ZNF804B: variants seen among roughly 807,000 people sequenced by gnomAD.
ZNF804B encodes zinc finger protein 804B.
ZNF804B carries 80 observed loss-of-function variants against 101.4 expected under a neutral mutation model. The ratio of observed to expected loss-of-function variants is 0.79; its 90% confidence interval spans 0.66 to 0.95. ZNF804B has a LOEUF of 0.95. ZNF804B is among the 40% of genes least tolerant of loss of function. ZNF804B has a pLI of 0.00. For missense variants in ZNF804B, 1,673 were observed against 1,561.9 expected (o/e 1.07, Z -1.20); for synonymous variants, 622 against 558.8 (o/e 1.11, Z -1.59).
At chr7:89,012,080 TCA>T (rs1491288093) in intron 1 of ZNF804B, among the ~76,000 whole-genome samples, 1 of 152,190 alleles carries the variant, frequency 6.6e-6, no homozygotes, top group African/African-American at 2.4e-5. Flanking sequence ...TTCTGTGTAC[TCA>T]CACTTTCAAT....
chr7:88,966,062 C>A (rs964682429), intron 1 of ZNF804B, among the ~76,000 whole-genome samples: 2 of 151,316 alleles, frequency 1.3e-5, no homozygotes, highest in African/African-American at 2.4e-5. Context: ...TAAGTCAGTT[C>A]CAGAGAAAAG....
chr7:89,058,567 G>A (rs746769953), intron 1 of ZNF804B, among the ~76,000 whole-genome samples: 3 of 151,982 alleles, frequency 2.0e-5, no homozygotes, highest in Non-Finnish European at 2.9e-5. Context: ...CTTTTACCAG[G>A]CTTACCCTGT....
intron 2 of ZNF804B, among the ~76,000 whole-genome samples, chr7:89,295,175 G>C (rs534268931): frequency 2.0e-5 from 3 of 151,988 alleles, no homozygotes; most frequent in Admixed American, 6.6e-5. Context: ...TTTTTATTTT[G>C]ACAGTGAGGG....
chr7:88,855,554 T>A (rs937969286), intron 1 of ZNF804B, among the ~76,000 whole-genome samples: 6 of 152,168 alleles, frequency 3.9e-5, no homozygotes, highest in African/African-American at 1.4e-4. Flanking sequence ...TTCTGTAGGT[T>A]GCCTGTTCAC....
chr7:89,100,319 G>A (rs368533923), intron 1 of ZNF804B, among the ~76,000 whole-genome samples: 10 of 152,200 alleles, frequency 6.6e-5, no homozygotes, highest in South Asian at 2.1e-4. Context: ...AAATCAAAAT[G>A]TATTGAAGAC....
intron 1 of ZNF804B, among the ~76,000 whole-genome samples, chr7:89,114,002 T>A (rs1237765638): frequency 6.6e-6 from 1 of 152,016 alleles, no homozygotes; most frequent in Non-Finnish European, 1.5e-5. Flanking sequence ...AGAATTAAGC[T>A]TAAACTGGAC....
chr7:88,979,528 A>T (rs1031683861), intron 1 of ZNF804B, among the ~76,000 whole-genome samples: 1 of 151,810 alleles, frequency 6.6e-6, no homozygotes, highest in African/African-American at 2.4e-5. Context: ...AGACTTCCAC[A>T]GAAAAGCCTG....
At chr7:89,012,513 A>G (rs6978297) in intron 1 of ZNF804B, among the ~76,000 whole-genome samples, 125,593 of 152,172 alleles carry the variant, frequency 0.83, 52,293 homozygotes, top group African/African-American at 0.94. Flanking sequence ...AAATTCCATA[A>G]ATCTCTAGTA....
At chr7:89,326,824 T>C (rs1762036688) in intron 2 of ZNF804B, among the ~76,000 whole-genome samples, 2 of 152,058 alleles carry the variant, frequency 1.3e-5, no homozygotes, top group Non-Finnish European at 2.9e-5. Flanking sequence ...GAAATATGTA[T>C]TTGATAAATA....
At chr7:89,001,105 G>T (rs1243120626) in intron 1 of ZNF804B, among the ~76,000 whole-genome samples, 1 of 147,504 alleles carries the variant, frequency 6.8e-6, no homozygotes, top group Non-Finnish European at 1.5e-5. Flanking sequence ...TCAGATAGCA[G>T]GAGTAAGTTT....
chr7:88,940,959 A>G (rs946982368), intron 1 of ZNF804B, among the ~76,000 whole-genome samples: 1 of 151,770 alleles, frequency 6.6e-6, no homozygotes, highest in African/African-American at 2.4e-5. Flanking sequence ...ATTGGGTTTA[A>G]AAAAATGAAC....
chr7:89,075,987 C>G (rs1477424334), intron 1 of ZNF804B, among the ~76,000 whole-genome samples: 2 of 152,184 alleles, frequency 1.3e-5, no homozygotes, highest in African/African-American at 2.4e-5. Context: ...TTTGGAACAG[C>G]TGTATTTACC....
chr7:89,238,681 A>G (rs1381320456), intron 2 of ZNF804B, among the ~76,000 whole-genome samples: 1 of 151,994 alleles, frequency 6.6e-6, no homozygotes, highest in African/African-American at 2.4e-5. Context: ...TGTACGTATC[A>G]TGCTGGTTTA....
intron 1 of ZNF804B, among the ~76,000 whole-genome samples, chr7:88,894,461 G>A (rs10261008): frequency 2.6e-5 from 4 of 151,738 alleles, no homozygotes; most frequent in Non-Finnish European, 4.4e-5. Context: ...ATCCACCCAC[G>A]TCAGCCTCCC....
chr7:89,215,674 G>GA (rs1424257861), intron 1 of ZNF804B, among the ~76,000 whole-genome samples: 1 of 151,590 alleles, frequency 6.6e-6, no homozygotes, highest in African/African-American at 2.4e-5. Context: ...ACGAGGTCCG[G>GA]AGATCAAGAC....
chr7:89,338,020 A>C lies in ZNF804B; in HGVS notation c.*988A>C, dbSNP rs1236185026. ...TTCAATTGTACTAGATATTTATGAA[A>C]CAATGAATAATGATGAATAAATTCA... On this transcript the variant is annotated 3_prime_UTR_variant, in exon 4 of 4. Coordinates refer to ENST00000333190, the MANE Select transcript of ZNF804B (RefSeq NM_181646.5). Among the ~76,000 whole-genome samples, 1 of 152,112 alleles carries C rather than the reference A, an allele frequency of 6.6e-6. No individual in the cohort carries two copies. The highest frequency in any genetic ancestry group is 1.5e-5 in the Non-Finnish European group (1 of 67,968).
chr7:89,277,709 A>G (rs1201270869), intron 2 of ZNF804B, among the ~76,000 whole-genome samples: 1 of 151,576 alleles, frequency 6.6e-6, no homozygotes, highest in Non-Finnish European at 1.5e-5. Context: ...ATAGTATTCC[A>G]TGGTGTATAT....
At chr7:89,251,817 T>G (rs1335490092) in intron 2 of ZNF804B, among the ~76,000 whole-genome samples, 3 of 152,114 alleles carry the variant, frequency 2.0e-5, no homozygotes, top group African/African-American at 7.2e-5. Flanking sequence ...GAAAGGACTC[T>G]CTAGTCAATA....
chr7:88,909,737 C>G (rs1433483579), intron 1 of ZNF804B, among the ~76,000 whole-genome samples: 1 of 151,444 alleles, frequency 6.6e-6, no homozygotes, highest in Non-Finnish European at 1.5e-5. Flanking sequence ...CTAGTTAGTT[C>G]CTTCACTTGA....
Sources: gnomAD v4.1 joint callset for allele counts (sites outside exome capture counted in the v4.1 genomes callset) on GRCh38, gnomAD v4.1.1 for gene constraint, MANE v1.5 for transcripts, NCBI Gene and HGNC (gene_info 2026-07-23, HGNC 2026-07-21) for gene names.